TBCK: variants seen among roughly 807,000 people sequenced by gnomAD.
The protein encoded by TBCK is TBC1 domain containing kinase.
A neutral mutation model predicts 113.4 loss-of-function variants in TBCK; 99 were observed. The observed-to-expected ratio is 0.87, with a 90% CI of 0.74 to 1.03. TBCK has a LOEUF of 1.03. Among genes scored for constraint, TBCK ranks in the 50% least tolerant of loss-of-function variants. The probability of loss-of-function intolerance (pLI) is 0.00; values close to 1 mark genes in which losing one functional copy is unlikely to be tolerated. For synonymous variants in TBCK, 369 were observed against 370.8 expected (o/e 1.00, Z 0.05); for missense variants, 1,045 against 1,061.3 (o/e 0.98, Z 0.21).
intron 3 of TBCK, among the ~76,000 whole-genome samples, chr4:106,285,913 A>T (rs542262397): frequency 9.9e-5 from 15 of 152,184 alleles, no homozygotes; most frequent in Non-Finnish European, 1.9e-4. Flanking sequence ...CAGTACATCA[A>T]CTCTACACAT....
At chr4:106,271,784 T>A (rs1228226726) in intron 3 of TBCK, among the ~76,000 whole-genome samples, 1 of 150,280 alleles carries the variant, frequency 6.7e-6, no homozygotes, top group Non-Finnish European at 1.5e-5. Context: ...AAAAAACAAC[T>A]GTTCTTAAGT....
At chr4:106,093,596 ATAGTCT>A (rs2149515111) in intron 25 of TBCK, among the ~76,000 whole-genome samples, 1 of 152,306 alleles carries the variant, frequency 6.6e-6, no homozygotes, top group South Asian at 2.1e-4. Flanking sequence ...TTTATGATCA[ATAGTCT>A]TAAAGTTCTA....
chr4:106,157,092 C>G (rs1341239099), intron 23 of TBCK, among the ~76,000 whole-genome samples: 1 of 152,138 alleles, frequency 6.6e-6, no homozygotes, highest in East Asian at 1.9e-4. Flanking sequence ...TCCTTCCCTT[C>G]AAGGCAGCAG....
intron 23 of TBCK, among the ~76,000 whole-genome samples, chr4:106,150,021 C>A (rs1748293898): frequency 6.6e-6 from 1 of 152,148 alleles, no homozygotes; most frequent in East Asian, 1.9e-4. Context: ...TTTAGAAATT[C>A]TGTTGTTCCT....
Position 106,305,705 on chromosome 4 carries a change from G to T in TBCK, c.193+3063C>A, listed in dbSNP as rs146039086. On this transcript the variant is annotated intron_variant, in intron 2 of 25. Coordinates refer to ENST00000394708, the MANE Select transcript of TBCK (RefSeq NM_001163435.3). ...TAAGGCATTCTTAGTCACAGGATGA[G>T]ATAGGAGGTCAGCACAAGATACAGG... Among the ~76,000 whole-genome samples, 845 of 152,190 alleles carry T rather than the reference G, an allele frequency of 5.6e-3. 10 individuals are homozygous for T. Among genetic ancestry groups the T allele is most frequent in the African/African-American group, 0.02 (815 of 41,522 alleles).
chr4:106,251,145 T>A (rs1169580200), intron 6 of TBCK: 1 of 394,786 alleles, frequency 2.5e-6, no homozygotes, highest in Admixed American at 2.9e-5. Flanking sequence ...CAAATAGTTA[T>A]ATAAATTTGG....
chr4:106,162,740 C>T (rs925380173), intron 23 of TBCK, among the ~76,000 whole-genome samples: 1 of 152,144 alleles, frequency 6.6e-6, no homozygotes, highest in African/African-American at 2.4e-5. Context: ...ACAGCTGAAG[C>T]TGAAGTCACT....
intron 20 of TBCK, among the ~76,000 whole-genome samples, chr4:106,210,142 C>A (rs902558445): frequency 6.6e-6 from 1 of 152,000 alleles, no homozygotes; most frequent in Non-Finnish European, 1.5e-5. Flanking sequence ...CCTTGGAAAG[C>A]AGAAATGGAA....
At position 106,256,675 on chromosome 4, in the gene TBCK, G is replaced by A. The variant is rs539256253; in HGVS notation, c.455+3762C>T. ...GGCAGCTGCAACTGTGCCCGGGAAC[G>A]TGGGGCTCCTGCCTGCTCCTGGCCC... On this transcript the variant is annotated intron_variant, in intron 5 of 25. Transcript: ENST00000394708. 8.5e-5 allele frequency among the ~76,000 whole-genome samples: 13 copies of A among 152,250 alleles called. No individual in the cohort carries two copies. In the East Asian group the frequency reaches 1.4e-3, roughly 16 times the overall value.
rs1395933468 is a variant in TBCK at position 106,043,660 on chromosome 4, G to A, written c.*2910C>T. ...TTTGGGGCTCTTAGTGCAGCATGGG[G>A]AAGCCAGAGAAGACTGGAGGAGGTA... On this transcript the variant is annotated 3_prime_UTR_variant, in exon 26 of 26. Coordinates refer to ENST00000394708, the MANE Select transcript of TBCK (RefSeq NM_001163435.3). 1 of 152,136 alleles carries A rather than the reference G, an allele frequency of 6.6e-6. No individual in the cohort carries two copies. The highest frequency in any genetic ancestry group is 1.9e-4 in the East Asian group (1 of 5,204). 9.4% of individuals were successfully genotyped at this position (152,136 alleles called of 1,614,324 possible). A position where few individuals can be genotyped will look rare whatever the true frequency, so the allele number is the denominator to read the frequency against.
intron 7 of TBCK, among the ~76,000 whole-genome samples, 181 bp downstream of exon 7, chr4:106,250,237 T>C (rs1156699100): frequency 1.3e-5 from 2 of 152,066 alleles, no homozygotes; most frequent in Non-Finnish European, 2.9e-5. Flanking sequence ...TCTGCTGTAA[T>C]ATTTTAGAAG....
At chr4:106,211,581 T>A (rs1756138873) in intron 20 of TBCK, among the ~76,000 whole-genome samples, 1 of 152,112 alleles carries the variant, frequency 6.6e-6, no homozygotes, top group Non-Finnish European at 1.5e-5. Context: ...CAATATAAAA[T>A]GTATTTCTTC....
chr4:106,184,645 A>G (rs1229028482), intron 22 of TBCK, among the ~76,000 whole-genome samples: 5 of 152,072 alleles, frequency 3.3e-5, no homozygotes, highest in African/African-American at 1.2e-4. Context: ...ATATTTAAAT[A>G]AATGAATATA....
intron 24 of TBCK, among the ~76,000 whole-genome samples, chr4:106,100,020 T>C (rs886941821): frequency 2.0e-5 from 3 of 152,200 alleles, no homozygotes; most frequent in Non-Finnish European, 2.9e-5. Flanking sequence ...ATGTTTTCTA[T>C]CTCCTGTAGT....
chr4:106,191,384 T>C (rs969217936), intron 22 of TBCK, among the ~76,000 whole-genome samples: 4 of 152,182 alleles, frequency 2.6e-5, no homozygotes, highest in African/African-American at 9.6e-5. Context: ...TTTTAACAGA[T>C]AGAATGCTCA....
Position 106,171,092 on chromosome 4 carries a change from T to C in TBCK, c.2235+3A>G. On this transcript the variant is annotated splice_donor_region_variant and intron_variant, in intron 23 of 25. Coordinates refer to ENST00000394708, the MANE Select transcript of TBCK (RefSeq NM_001163435.3). ...TTTGTAAACTAAATCCGCAAATACATACCAGATCTGTCTTTGGAGGATCTG... is the reference window on the plus strand; with the variant it reads ...TTTGTAAACTAAATCCGCAAATACACACCAGATCTGTCTTTGGAGGATCTG... 1 of 1,592,518 alleles carries C rather than the reference T, an allele frequency of 6.3e-7. No homozygotes were observed. Among genetic ancestry groups the C allele is most frequent in the Non-Finnish European group, 8.5e-7 (1 of 1,172,470 alleles).
Position 106,270,840 on chromosome 4 carries a change from C to T in TBCK, c.267-8628G>A, listed in dbSNP as rs1180436293. ...ATAAGTATTGGTCTGTCTTAAGTAA[C>T]TTATGACCAGTATGATTGCTGAAAA... On this transcript the variant is annotated intron_variant, in intron 3 of 25. Coordinates refer to ENST00000394708, the MANE Select transcript of TBCK (RefSeq NM_001163435.3). 3.9e-5 allele frequency among the ~76,000 whole-genome samples: 6 copies of T among 152,146 alleles called. No individual in the cohort carries two copies. In the East Asian group the frequency reaches 1.2e-3, roughly 29 times the overall value.
chr4:106,229,421 G>A (rs1178376672), intron 19 of TBCK, among the ~76,000 whole-genome samples: 8 of 151,498 alleles, frequency 5.3e-5, no homozygotes, highest in Admixed American at 4.6e-4. Context: ...TGATTTTTGT[G>A]TATGTTGACA....
At chr4:106,243,772 A>T (rs973430011) in intron 11 of TBCK, among the ~76,000 whole-genome samples, 2 of 152,084 alleles carry the variant, frequency 1.3e-5, no homozygotes, top group East Asian at 3.9e-4. Context: ...CTGCAGCCTC[A>T]ACTTCCCTGG....
Sources: gnomAD v4.1 joint callset for allele counts (sites outside exome capture counted in the v4.1 genomes callset) on GRCh38, gnomAD v4.1.1 for gene constraint, MANE v1.5 for transcripts, NCBI Gene and HGNC (gene_info 2026-07-23, HGNC 2026-07-21) for gene names.